The following NEMP2 variants were observed in gnomAD, a reference collection of about 807,000 sequenced individuals.
NEMP2 encodes the protein UPF0571 transmembrane protein.
In NEMP2, 53 loss-of-function variants were observed where a neutral mutation model predicts 54.2. The observed-to-expected ratio is 0.98, with a 90% CI of 0.78 to 1.23. The LOEUF is 1.23. Among genes scored for constraint, NEMP2 ranks in the 50% most tolerant of loss-of-function variants. NEMP2 has a pLI of 0.00. For synonymous variants in NEMP2, 197 were observed against 190.3 expected, an observed-to-expected ratio of 1.04 and a Z score of -0.29; for missense variants, 455 against 511.3, an observed-to-expected ratio of 0.89 and a Z score of 1.06.
At position 190,519,217 on chromosome 2, in the gene NEMP2, A is replaced by G. The variant is rs1690670767; in HGVS notation, c.214-34T>C. 1.4e-6 allele frequency: 2 copies of G among 1,416,500 alleles called. No homozygotes were observed. Among genetic ancestry groups the G allele is most frequent in the East Asian group, 5.0e-5 (2 of 40,162 alleles). 87.7% of individuals were successfully genotyped at this position (1,416,500 alleles called of 1,614,324 possible). A position where few individuals can be genotyped will look rare whatever the true frequency, so the allele number is the denominator to read the frequency against. On this transcript the variant is annotated intron_variant, in intron 2 of 8. Coordinates refer to ENST00000409150, the MANE Select transcript of NEMP2 (RefSeq NM_001142645.2). This position sits in a 1 kb window ranked among gnomAD's most constrained non-coding sequence, Gnocchi z 5.4. ...CAAGAACAAGCAAATCCATAAACAG[A>G]ATAACTTCTCTTTTTTGTTTTGGAG...
At chr2:190,441,002 A>G in the NEMP2 span, among the ~76,000 whole-genome samples, 1 of 152,190 alleles carries the variant, frequency 6.6e-6, no homozygotes, top group Non-Finnish European at 1.5e-5. Flanking sequence ...TCACTGGAGG[A>G]ATAGCAGTAA....
chr2:190,437,454 C>T, the NEMP2 span: 1 of 1,614,210 alleles, frequency 6.2e-7, no homozygotes, highest in Non-Finnish European at 8.5e-7. This position sits in a 1 kb window ranked among gnomAD's most constrained non-coding sequence, Gnocchi z 5.9. Context: ...TGGAAGACCT[C>T]AATGGAACTA....
chr2:190,564,639 C>G, the NEMP2 span, among the ~76,000 whole-genome samples: 2 of 152,116 alleles, frequency 1.3e-5, no homozygotes, highest in Admixed American at 1.3e-4. This position sits in a 1 kb window ranked among gnomAD's most constrained non-coding sequence, Gnocchi z 4.2. Context: ...AAGCTTCTCA[C>G]GTAAAAATCT....
the NEMP2 span, among the ~76,000 whole-genome samples, chr2:190,431,936 A>C: frequency 6.6e-6 from 1 of 152,186 alleles, no homozygotes; most frequent in African/African-American, 2.4e-5. The surrounding 1 kb of genome is among the most constrained non-coding windows in gnomAD (Gnocchi z 4.4). Context: ...ATAGTTGCAT[A>C]ATCTTCTCTT....
chr2:190,503,456 G>A (rs1005072760), downstream of NEMP2, among the ~76,000 whole-genome samples: 3 of 152,222 alleles, frequency 2.0e-5, no homozygotes, highest in Admixed American at 1.3e-4. The surrounding 1 kb of genome is among the most constrained non-coding windows in gnomAD (Gnocchi z 6.3). Context: ...ATAGCCACAC[G>A]TGGCTCAAGG....
chr2:190,494,530 G>A, the NEMP2 span, among the ~76,000 whole-genome samples: 1 of 152,010 alleles, frequency 6.6e-6, no homozygotes. This position sits in a 1 kb window ranked among gnomAD's most constrained non-coding sequence, Gnocchi z 5.7. Context: ...AACAAAACCA[G>A]GAAAGGACAT....
upstream of NEMP2, among the ~76,000 whole-genome samples, chr2:190,539,420 C>G (rs1037249023): frequency 6.6e-6 from 1 of 152,006 alleles, no homozygotes; most frequent in South Asian, 2.1e-4. The surrounding 1 kb of genome is among the most constrained non-coding windows in gnomAD (Gnocchi z 4.1). Context: ...CAGGATTGCT[C>G]TGGCTATTTT....
At chr2:190,479,773 T>C in the NEMP2 span, among the ~76,000 whole-genome samples, 1 of 152,142 alleles carries the variant, frequency 6.6e-6, no homozygotes, top group African/African-American at 2.4e-5. Flanking sequence ...ACTCCAGCAC[T>C]GAGGAGTGAA....
chr2:190,629,100 C>T, the NEMP2 span, among the ~76,000 whole-genome samples: 1 of 152,182 alleles, frequency 6.6e-6, no homozygotes, highest in African/African-American at 2.4e-5. Flanking sequence ...CCTGGCCCTG[C>T]TCACTAACTC....
chr2:190,552,468 C>T, the NEMP2 span, among the ~76,000 whole-genome samples: 1 of 152,108 alleles, frequency 6.6e-6, no homozygotes, highest in South Asian at 2.1e-4. Context: ...CAAGGTGGCT[C>T]CTGCTGTAAT....
chr2:190,461,088 C>A, the NEMP2 span, among the ~76,000 whole-genome samples: 1 of 152,168 alleles, frequency 6.6e-6, no homozygotes, highest in South Asian at 2.1e-4. This position sits in a 1 kb window ranked among gnomAD's most constrained non-coding sequence, Gnocchi z 5.5. Context: ...CACACCCAAT[C>A]TCCCAAGAGT....
At chr2:190,591,507 A>G in the NEMP2 span, among the ~76,000 whole-genome samples, 1 of 152,110 alleles carries the variant, frequency 6.6e-6, no homozygotes, top group South Asian at 2.1e-4. The surrounding 1 kb of genome is among the most constrained non-coding windows in gnomAD (Gnocchi z 5.4). Flanking sequence ...GCTGCCCTTC[A>G]GAACCTTTTC....
At chr2:190,542,233 G>A in the NEMP2 span, among the ~76,000 whole-genome samples, 5 of 152,100 alleles carry the variant, frequency 3.3e-5, no homozygotes, top group African/African-American at 1.2e-4. This position sits in a 1 kb window ranked among gnomAD's most constrained non-coding sequence, Gnocchi z 4.6. Flanking sequence ...TGTTTTTGAG[G>A]TGGAGTCTTG....
chr2:190,440,695 A>G, the NEMP2 span, among the ~76,000 whole-genome samples: 1 of 152,224 alleles, frequency 6.6e-6, no homozygotes, highest in Non-Finnish European at 1.5e-5. Flanking sequence ...AATCTATTCA[A>G]TCAATCTGTG....
At chr2:190,469,141 C>A in the NEMP2 span, among the ~76,000 whole-genome samples, 1 of 152,028 alleles carries the variant, frequency 6.6e-6, no homozygotes, top group Non-Finnish European at 1.5e-5. This position sits in a 1 kb window ranked among gnomAD's most constrained non-coding sequence, Gnocchi z 5.3. Flanking sequence ...CATATGATAC[C>A]ATGAATTTTT....
At chr2:190,597,100 A>G in the NEMP2 span, among the ~76,000 whole-genome samples, 1 of 152,028 alleles carries the variant, frequency 6.6e-6, no homozygotes, top group African/African-American at 2.4e-5. This position sits in a 1 kb window ranked among gnomAD's most constrained non-coding sequence, Gnocchi z 4.7. Flanking sequence ...CACCTCTACA[A>G]AAAAATTTTT....
the NEMP2 span, among the ~76,000 whole-genome samples, chr2:190,547,556 T>G: frequency 6.6e-6 from 1 of 152,200 alleles, no homozygotes; most frequent in Non-Finnish European, 1.5e-5. The surrounding 1 kb of genome is among the most constrained non-coding windows in gnomAD (Gnocchi z 6.2). Context: ...GATGGAGTTT[T>G]GCTCTGTCAC....
chr2:190,492,400 G>T, the NEMP2 span, among the ~76,000 whole-genome samples: 1 of 152,266 alleles, frequency 6.6e-6, no homozygotes, highest in East Asian at 1.9e-4. This position sits in a 1 kb window ranked among gnomAD's most constrained non-coding sequence, Gnocchi z 5.2. Context: ...TGAGGCAAAA[G>T]CACCAGATAA....
the NEMP2 span, among the ~76,000 whole-genome samples, chr2:190,634,033 C>T: frequency 2.0e-5 from 3 of 152,256 alleles, no homozygotes; most frequent in South Asian, 6.2e-4. This position sits in a 1 kb window ranked among gnomAD's most constrained non-coding sequence, Gnocchi z 6.8. Context: ...GATTGTGCCA[C>T]TTCACTCCAG....
Sources: gnomAD v4.1 joint callset for allele counts (sites outside exome capture counted in the v4.1 genomes callset) on GRCh38, gnomAD v4.1.1 for gene constraint, Gnocchi (gnomAD v3.1) non-coding constraint, MANE v1.5 for transcripts, NCBI Gene and HGNC (gene_info 2026-07-23, HGNC 2026-07-21) for gene names.